The following PUS7 variants were observed in gnomAD, a reference collection of about 807,000 sequenced individuals.
PUS7 encodes the protein pseudouridylate synthase 7 homolog.
A neutral mutation model predicts 79.8 loss-of-function variants in PUS7; 48 were observed. That is an observed-to-expected ratio of 0.60 (90% CI 0.48 to 0.76). PUS7 has a LOEUF of 0.76. PUS7 is among the 30% of genes least tolerant of loss of function. The probability of loss-of-function intolerance (pLI) is 0.00; values close to 1 mark genes in which losing one functional copy is unlikely to be tolerated. For synonymous variants in PUS7, 286 were observed against 272.2 expected (o/e 1.05, Z -0.50); for missense variants, 729 against 797.6 (o/e 0.91, Z 1.04).
At chr7:105,510,301 C>CA (rs575441522) in intron 1 of PUS7, among the ~76,000 whole-genome samples, 30 of 144,768 alleles carry the variant, frequency 2.1e-4, no homozygotes, top group South Asian at 1.1e-3. Context: ...ACTCTATCTC[C>CA]AAAAAAAAAA....
Position 105,472,213 on chromosome 7 carries a change from A to G in PUS7, c.1176-20T>C. On this transcript the variant is annotated intron_variant, in intron 9 of 15. Coordinates refer to ENST00000469408, the MANE Select transcript of PUS7 (RefSeq NM_019042.5). ...ATAGCTCTAAAATTAAACAACATTT[A>G]TTTTACTAAATTTTGCATAAAGATA... 1.4e-6 allele frequency: 2 copies of G among 1,419,770 alleles called. No homozygotes were observed. Among genetic ancestry groups the G allele is most frequent in the Non-Finnish European group, 2.0e-6 (2 of 1,014,988 alleles). The allele number at this position is 1,419,770 out of a possible 1,614,324, so 87.9% of individuals were successfully genotyped here.
At chr7:105,491,655 C>T (rs774193793) in intron 6 of PUS7, 38 bp from the exon 7 acceptor site, 2 of 1,172,720 alleles carry the variant, frequency 1.7e-6, no homozygotes, top group South Asian at 2.6e-5. Context: ...AAGTCACATA[C>T]TGTAATATTA....
At chr7:105,476,540 T>C (rs1395361607) in intron 9 of PUS7, among the ~76,000 whole-genome samples, 1 of 152,144 alleles carries the variant, frequency 6.6e-6, no homozygotes, top group Non-Finnish European at 1.5e-5. Context: ...GTATTTTTAG[T>C]AGAGACGGGT....
Position 105,508,282 on chromosome 7 carries a change from C to A in PUS7, c.231G>T (p.Gln77His). 6.2e-7 allele frequency: 1 copy of A among 1,614,188 alleles called. No individual in the cohort carries two copies. The part of the protein sequence containing the change: ...TGKGGKNSEA[Q>H]LEDEEEEEED... Reference sequence around the variant, plus strand: ...CCTCCTCTTCTTCCTCATCTTCCAACTGAGCCTCAGAATTCTTTCCACCTT... The same window carrying A: ...CCTCCTCTTCTTCCTCATCTTCCAAATGAGCCTCAGAATTCTTTCCACCTT... Residue 77 changes from glutamine to histidine, a missense_variant, in exon 2 of 16, where the codon CAG (glutamine) becomes CAT (histidine). Physicochemically the swap from Gln to His is conservative, Grantham distance 24. Coordinates refer to ENST00000469408, the MANE Select transcript of PUS7 (RefSeq NM_019042.5).
rs747722468 is a variant in PUS7, at chr7:105,508,151, C to T, written c.362G>A (p.Ser121Asn). ...GATTCCCGAGAACCCTTGATGAGAA[C>T]TCACAAACTTGGTGATGCCTACGTC... ...EADVGITKFVSSHQGFSGILK... is the reference protein window; with the variant it reads ...EADVGITKFVNSHQGFSGILK... Residue 121 changes from serine (S) to asparagine (N), a missense_variant, in exon 2 of 16, where the codon AGT (serine) becomes AAT (asparagine). Coordinates refer to ENST00000469408, the MANE Select transcript of PUS7 (RefSeq NM_019042.5). 9.9e-6 allele frequency: 16 copies of T among 1,614,018 alleles called. No homozygotes were observed. The highest frequency in any genetic ancestry group is 2.7e-5 in the African/African-American group (2 of 74,922).
Position 105,491,574 on chromosome 7 carries a change from T to C in PUS7, c.886A>G (p.Arg296Gly). The change falls in exon 7 of 16, where the codon AGG (arginine) becomes GGG (glycine). Residue 296 changes from arginine to glycine, a missense_variant. By Grantham distance (125) the Arg-to-Gly change is moderately radical. Transcript: ENST00000469408. ...GCAATTTCTTGAACTGTTATAGCCC[T>C]TTTATCTTTGGTTCCCATGTAGGAG... ...IFSYMGTKDK[R>G]AITVQEIAVL... The C allele has an allele frequency of 3.7e-6, 6 of 1,601,906 alleles. No homozygotes were observed. The highest frequency in any genetic ancestry group is 1.3e-5 in the African/African-American group (1 of 74,768).
intron 4 of PUS7, among the ~76,000 whole-genome samples, chr7:105,505,003 A>ATTTTTT (rs112752687): frequency 4.9e-5 from 7 of 142,642 alleles, no homozygotes; most frequent in Admixed American, 1.4e-4. Context: ...ATTTAACATA[A>ATTTTTT]TTTTTTTTTT....
rs532036165 is a variant in PUS7 at position 105,510,272 on chromosome 7, C to T, written c.-32-1728G>A. Among the ~76,000 whole-genome samples the T allele has an allele frequency of 4.6e-5, 7 of 151,910 alleles. No homozygotes were observed. In the East Asian group the frequency reaches 5.8e-4, roughly 13 times the overall value. ...CTGAAATTGTGCCTTTGCACTCCAG[C>T]CTGGGCAACAAGAGCAAAACTCTAT... On this transcript the variant is annotated intron_variant, in intron 1 of 15. Transcript: ENST00000469408.
At chr7:105,492,288 TA>T (rs982684862) in intron 6 of PUS7, among the ~76,000 whole-genome samples, 5 of 147,948 alleles carry the variant, frequency 3.4e-5, no homozygotes, top group East Asian at 2.0e-4. Context: ...CTGCTCTCTT[TA>T]AAAAAAAACA....
rs759171513 is a variant in PUS7 at position 105,470,849 on chromosome 7, C to A, written c.1238-1G>T. 6.3e-7 allele frequency: 1 copy of A among 1,576,614 alleles called. No homozygotes were observed. Among genetic ancestry groups the A allele is most frequent in the Non-Finnish European group, 8.6e-7 (1 of 1,156,776 alleles). On this transcript the variant is annotated splice_acceptor_variant, in intron 10 of 15. Transcript: ENST00000469408. LOFTEE classifies it high-confidence loss of function. ...CATTTAACCAAGTAGCCCTTTTCAG[C>A]TGCGGGGGGAAAAAGCTAGGGTTAA... is the stretch of plus-strand genomic sequence containing the variant.
At position 105,465,397 on chromosome 7, in the gene PUS7, C is replaced by T. The variant is rs2133052508; in HGVS notation, c.1543G>A (p.Glu515Lys). Residue 515 changes from glutamate (E) to lysine (K), a missense_variant, in exon 13 of 16, where the codon GAG becomes AAG. Physicochemically the swap from Glu to Lys is moderately conservative, Grantham distance 56 (BLOSUM62 1). Transcript: ENST00000469408. ...GAGTAATTATTAACATCATCTTCCT[C>T]AATATAGGTGGCTGTGGCTGTAAAT... Reference protein sequence around the residue: ...VLKGATATYIEEDDVNNYSIH... With the variant: ...VLKGATATYIKEDDVNNYSIH... The T allele has an allele frequency of 6.2e-7, 1 of 1,611,870 alleles. No homozygotes were observed. The highest frequency in any genetic ancestry group is 8.5e-7 in the Non-Finnish European group (1 of 1,178,450).
At position 105,459,211 on chromosome 7, in the gene PUS7, A is replaced by G; in HGVS notation, c.1806T>C (p.Asp602=). The change falls in exon 15 of 16, where the codon GAT becomes GAC. Residue 602 remains aspartate, a synonymous_variant. Transcript: ENST00000469408. ...DDPKIPLFNT[D]VDNLEGKTPP... ...GTGTCTTCCCTTCTAGGTTGTCCAC[A>G]TCTGTGTTGAAAAGTGGAATTTTGG... The G allele has an allele frequency of 1.9e-6, 3 of 1,612,012 alleles. No individual in the cohort carries two copies. Among genetic ancestry groups the G allele is most frequent in the Non-Finnish European group, 2.5e-6 (3 of 1,178,786 alleles).
chr7:105,506,214 T>C lies in PUS7; in HGVS notation c.458A>G (p.Asp153Gly). The change falls in exon 3 of 16, where the codon GAC becomes GGC. Residue 153 changes from aspartate (D) to glycine (G), a missense_variant. Asp to Gly is a moderately conservative substitution (Grantham distance 94). Coordinates refer to ENST00000469408, the MANE Select transcript of PUS7 (RefSeq NM_019042.5). ...CTCCTCATCCACTGGAATGGACAAGTCATTCAAATGGCTGATCCGTCCATC... is the reference window on the plus strand; with the variant it reads ...CTCCTCATCCACTGGAATGGACAAGCCATTCAAATGGCTGATCCGTCCATC... ...GKDGRISHLN[D>G]LSIPVDEEDP... The C allele has an allele frequency of 6.2e-7, 1 of 1,613,350 alleles. No homozygotes were observed. Among genetic ancestry groups the C allele is most frequent in the Non-Finnish European group, 8.5e-7 (1 of 1,179,646 alleles).
At position 105,485,240 on chromosome 7, in the gene PUS7, T is replaced by A. The variant is rs188378774; in HGVS notation, c.921-2800A>T. Among the ~76,000 whole-genome samples the A allele has an allele frequency of 1.5e-3, 220 of 151,436 alleles. 1 individual carries two copies. Among genetic ancestry groups the A allele is most frequent in the African/African-American group, 5.1e-3 (211 of 41,278 alleles). ...CGTCGTTGTTTTTTGAGATGGAGTT[T>A]TGCTCTTTGCCCAGGCTGGAGCGCA... On this transcript the variant is annotated intron_variant, in intron 7 of 15. Coordinates refer to ENST00000469408, the MANE Select transcript of PUS7 (RefSeq NM_019042.5).
chr7:105,460,970 C>T (rs550495951), intron 14 of PUS7, among the ~76,000 whole-genome samples: 1 of 152,100 alleles, frequency 6.6e-6, no homozygotes, highest in African/African-American at 2.4e-5. Context: ...CAGGCTCAAG[C>T]AATCCTCCCA....
chr7:105,516,790 G>A (rs1165344304), intron 1 of PUS7, among the ~76,000 whole-genome samples: 1 of 152,008 alleles, frequency 6.6e-6, no homozygotes, highest in South Asian at 2.1e-4. Context: ...TTGGGGAGAG[G>A]AGAGAGAGGT....
chr7:105,514,943 C>T (rs1200100272), intron 1 of PUS7, among the ~76,000 whole-genome samples: 12 of 151,978 alleles, frequency 7.9e-5, no homozygotes, highest in Admixed American at 4.6e-4. Flanking sequence ...TACAGGCGCC[C>T]GCCACCACGC....
At chr7:105,483,128 T>G (rs1179709692) in intron 7 of PUS7, among the ~76,000 whole-genome samples, 1 of 152,086 alleles carries the variant, frequency 6.6e-6, no homozygotes, top group Non-Finnish European at 1.5e-5. Context: ...CTTTCTCCCC[T>G]TTTTATCTCT....
At position 105,459,274 on chromosome 7, in the gene PUS7, A is replaced by G; in HGVS notation, c.1758-15T>C. ...CAACGACTTCCCTTCAAAACATATG[A>G]ATAAAGATAAGTGTGAATGTGAACT... On this transcript the variant is annotated splice_polypyrimidine_tract_variant and intron_variant, in intron 14 of 15. Coordinates refer to ENST00000469408, the MANE Select transcript of PUS7 (RefSeq NM_019042.5). 6.4e-7 allele frequency: 1 copy of G among 1,560,028 alleles called. No homozygotes were observed.
Sources: gnomAD v4.1 joint callset for allele counts (sites outside exome capture counted in the v4.1 genomes callset) on GRCh38, gnomAD v4.1.1 for gene constraint, MANE v1.5 for transcripts, NCBI Gene and HGNC (gene_info 2026-07-23, HGNC 2026-07-21) for gene names.